SREBF2: variants seen among roughly 807,000 people sequenced by gnomAD.
SREBF2 encodes sterol regulatory element-binding protein 2.
SREBF2 carries 55 observed loss-of-function variants against 113.1 expected under a neutral mutation model. The observed-to-expected ratio is 0.49, with a 90% confidence interval of 0.39 to 0.61. SREBF2 has a LOEUF of 0.61. Ranked by LOEUF, SREBF2 falls within the 20% of genes least tolerant of loss-of-function variation. SREBF2 has a pLI of 0.00. For missense variants in SREBF2, 1,349 were observed against 1,487.4 expected, an observed-to-expected ratio of 0.91 and a Z score of 1.53; for synonymous variants, 593 against 605.7, an observed-to-expected ratio of 0.98 and a Z score of 0.31.
chr22:41,893,121 A>G lies in SREBF2; in HGVS notation c.2213A>G (p.Tyr738Cys). 2 of 1,613,402 alleles carry G rather than the reference A, an allele frequency of 1.2e-6. No individual in the cohort carries two copies. The highest frequency in any genetic ancestry group is 2.2e-5 in the East Asian group (1 of 44,878). Residue 738 changes from tyrosine to cysteine, a missense_variant, in exon 12 of 19, where the codon TAC (tyrosine) becomes TGC (cysteine). Tyr to Cys is a radical substitution (Grantham distance 194, BLOSUM62 -2). Around this residue, in one of 2 missense-constraint regions of SREBF2, gnomAD observed 650 missense variants for 644.1 expected, o/e 1.01. Coordinates refer to ENST00000361204, the MANE Select transcript of SREBF2 (RefSeq NM_004599.4). Reference protein sequence around the residue: ...CGGKLGFLASYFLSRAQSLCG... With the variant: ...CGGKLGFLASCFLSRAQSLCG... ...CTGGTCCTTGTCCTTCCACAGAGCT[A>G]CTTCCTCAGCCGAGCCCAGAGCCTG... is the stretch of plus-strand genomic sequence containing the variant.
chr22:41,864,689 C>T (rs896233198), intron 1 of SREBF2, among the ~76,000 whole-genome samples: 4 of 151,874 alleles, frequency 2.6e-5, no homozygotes, highest in African/African-American at 9.7e-5. Flanking sequence ...GGTGCCCTGG[C>T]TCATGCCTGT....
chr22:41,867,981 G>T (rs1034306634), intron 2 of SREBF2, among the ~76,000 whole-genome samples: 5 of 152,268 alleles, frequency 3.3e-5, no homozygotes, highest in African/African-American at 1.2e-4. Flanking sequence ...TGATGAATAT[G>T]ACTTTTAATA....
chr22:41,843,214 G>T (rs192170585), intron 1 of SREBF2, among the ~76,000 whole-genome samples: 1 of 152,206 alleles, frequency 6.6e-6, no homozygotes, highest in Non-Finnish European at 1.5e-5. Context: ...CTAAGTGAAC[G>T]TGACTCATCC....
rs964850718 is a variant in SREBF2 at position 41,895,931 on chromosome 22, C to T, written c.2495+994C>T. ...GGCCAAGGTGGGCAGATCACGAGGT[C>T]AGGAGATCGAGACCATCCTGGCTAA... On this transcript the variant is annotated intron_variant, in intron 13 of 18. Transcript: ENST00000361204. 3.0e-4 allele frequency among the ~76,000 whole-genome samples: 46 copies of T among 152,006 alleles called. 1 individual carries two copies. Among genetic ancestry groups the T allele is most frequent in the African/African-American group, 1.0e-3 (42 of 41,496 alleles).
At chr22:41,834,430 T>C (rs1319565119) in intron 1 of SREBF2, 3 of 152,682 alleles carry the variant, frequency 2.0e-5, no homozygotes, top group African/African-American at 7.2e-5. Context: ...TTGACTTATC[T>C]AAGGCCACTC....
intron 11 of SREBF2, among the ~76,000 whole-genome samples, chr22:41,888,864 GTTTAC>G (rs1434879812): frequency 6.6e-6 from 1 of 152,074 alleles, no homozygotes; most frequent in Non-Finnish European, 1.5e-5. Context: ...GCTCTTCTCT[GTTTAC>G]TTCTCTTGAG....
rs2077478221 is a variant in SREBF2, at chr22:41,903,048, G to A, written c.2986G>A (p.Ala996Thr). ...LWQKQASASQ[A>T]VGETYHASGA... is the part of the protein sequence containing the mutation. ...GCAAAAACAGGCCAGTGCCAGCCAGGCTGTGGGGGAGACCTACCACGCGTC... is the reference window on the plus strand; with the variant it reads ...GCAAAAACAGGCCAGTGCCAGCCAGACTGTGGGGGAGACCTACCACGCGTC... Residue 996 changes from alanine to threonine, a missense_variant, in exon 17 of 19, where the codon GCT (alanine) becomes ACT (threonine). Around this residue, in one of 2 missense-constraint regions of SREBF2, gnomAD observed 650 missense variants for 644.1 expected, o/e 1.01. Transcript: ENST00000361204. 1.2e-6 allele frequency: 2 copies of A among 1,608,082 alleles called. No homozygotes were observed. The highest frequency in any genetic ancestry group is 2.7e-5 in the African/African-American group (2 of 74,928).
At chr22:41,869,853 C>T (rs2077123256) in intron 3 of SREBF2, among the ~76,000 whole-genome samples, 1 of 148,518 alleles carries the variant, frequency 6.7e-6, no homozygotes, top group Non-Finnish European at 1.5e-5. Context: ...GGACTATATC[C>T]TCTTTTTTCT....
chr22:41,885,312 G>A (rs896548002), intron 11 of SREBF2, among the ~76,000 whole-genome samples: 4 of 152,106 alleles, frequency 2.6e-5, no homozygotes, highest in African/African-American at 9.7e-5. Context: ...CTGTACTTGG[G>A]GGTTAATATG....
At chr22:41,904,056 T>TC (rs2077485596) in intron 17 of SREBF2, among the ~76,000 whole-genome samples, 2 of 152,202 alleles carry the variant, frequency 1.3e-5, no homozygotes, top group African/African-American at 2.4e-5. Context: ...GGCCTTTTTT[T>TC]CATAATAGAT....
At chr22:41,844,234 A>G (rs1319552797) in intron 1 of SREBF2, among the ~76,000 whole-genome samples, 1 of 152,114 alleles carries the variant, frequency 6.6e-6, no homozygotes, top group Non-Finnish European at 1.5e-5. Context: ...TGATGTAGCT[A>G]AGGTACAAAA....
intron 11 of SREBF2, among the ~76,000 whole-genome samples, chr22:41,887,071 T>C (rs2284084): frequency 0.24 from 37,016 of 151,626 alleles, 6,562 homozygotes; most frequent in African/African-American, 0.5. Flanking sequence ...AAAAATTAGC[T>C]GGATGTGGTG....
chr22:41,877,457 T>C, intron 8 of SREBF2, 36 bp downstream of exon 8: 1 of 1,607,112 alleles, frequency 6.2e-7, no homozygotes, highest in Non-Finnish European at 8.5e-7. Flanking sequence ...TGGGCATGGC[T>C]GGACCACTAT....
At chr22:41,895,235 G>T (rs1181132134) in intron 13 of SREBF2, among the ~76,000 whole-genome samples, 1 of 151,828 alleles carries the variant, frequency 6.6e-6, no homozygotes, top group East Asian at 1.9e-4. Flanking sequence ...TGCCTCCTGG[G>T]TTCACGCCAT....
At position 41,904,938 on chromosome 22, in the gene SREBF2, A is replaced by G. The variant is rs748268061; in HGVS notation, c.3169A>G (p.Ser1057Gly). ...PTRTHQLLEHSLRRRTTQSTK... is the reference protein window; with the variant it reads ...PTRTHQLLEHGLRRRTTQSTK... Reference sequence around the variant, plus strand: ...CCGCACCCACCAGCTGCTGGAACACAGCCTGCGGCGGCGCACCACGCAGAG... The same window carrying G: ...CCGCACCCACCAGCTGCTGGAACACGGCCTGCGGCGGCGCACCACGCAGAG... Residue 1057 changes from serine to glycine, a missense_variant, in exon 18 of 19, where the codon AGC becomes GGC. Around this residue, in one of 2 missense-constraint regions of SREBF2, gnomAD observed 650 missense variants for 644.1 expected, o/e 1.01. Coordinates refer to ENST00000361204, the MANE Select transcript of SREBF2 (RefSeq NM_004599.4). The G allele has an allele frequency of 5.6e-6, 9 of 1,604,086 alleles. No homozygotes were observed. Among genetic ancestry groups the G allele is most frequent in the Admixed American group, 3.4e-5 (2 of 59,466 alleles).
In SREBF2 at chr22:41,896,959, G is replaced by A. The variant is rs1054360297; in HGVS notation, c.2496-93G>A. 14 of 846,558 alleles carry A rather than the reference G, an allele frequency of 1.7e-5. No individual in the cohort carries two copies. The Admixed American group carries it at 2.2e-4, about 13-fold the overall frequency. 52.4% of individuals were successfully genotyped at this position (846,558 alleles called of 1,614,324 possible). The stretch of plus-strand genomic sequence containing the variant: ...CAGGAAAGGGACAGAAATGGCCATT[G>A]GGTCTTAGAGCTGGAGAGCTGAACA... On this transcript the variant is annotated intron_variant, in intron 13 of 18. Coordinates refer to ENST00000361204, the MANE Select transcript of SREBF2 (RefSeq NM_004599.4).
intron 1 of SREBF2, among the ~76,000 whole-genome samples, chr22:41,860,227 T>C (rs2077014758): frequency 6.7e-6 from 1 of 149,820 alleles, no homozygotes; most frequent in Admixed American, 6.6e-5. Context: ...TATCTGGAAG[T>C]TTTTTAAATC....
intron 10 of SREBF2, 65 bp downstream of exon 10, chr22:41,881,057 C>T: frequency 6.3e-7 from 1 of 1,575,270 alleles, no homozygotes; most frequent in Non-Finnish European, 8.6e-7. Context: ...TCCTCCTTAG[C>T]TTGATTTGCC....
At chr22:41,871,672 ACC>A in intron 4 of SREBF2, among the ~76,000 whole-genome samples, 1 of 151,986 alleles carries the variant, frequency 6.6e-6, no homozygotes, top group South Asian at 2.1e-4. Context: ...GGGGTGGATC[ACC>A]TGAGGTCAGG....
Sources: gnomAD v4.1 joint callset for allele counts (sites outside exome capture counted in the v4.1 genomes callset) on GRCh38, gnomAD v4.1.1 for gene constraint, gnomAD v4.1.1 regional missense constraint, MANE v1.5 for transcripts, NCBI Gene and HGNC (gene_info 2026-07-23, HGNC 2026-07-21) for gene names.